SMARCC1: variants seen among roughly 807,000 people sequenced by gnomAD.
The protein encoded by SMARCC1 is SWI/SNF related BAF chromatin remodeling complex subunit C1.
A neutral mutation model predicts 147.4 loss-of-function variants in SMARCC1; 43 were observed. The ratio of observed to expected loss-of-function variants is 0.29; its 90% CI spans 0.23 to 0.38. SMARCC1 has a LOEUF of 0.38. Among genes scored for constraint, SMARCC1 ranks in the 10% least tolerant of loss-of-function variants. The probability of loss-of-function intolerance (pLI) is 1.00; values close to 1 mark genes in which losing one functional copy is unlikely to be tolerated. For missense variants in SMARCC1, 1,119 were observed against 1,381.1 expected (o/e 0.81, Z 3.01); for synonymous variants, 495 against 484.4 (o/e 1.02, Z -0.29).
chr3:47,667,317 CAAAA>C (rs71070207), intron 19 of SMARCC1, among the ~76,000 whole-genome samples: 84,836 of 131,716 alleles, frequency 0.64, 25,638 homozygotes, highest in East Asian at 0.75. Context: ...GACTCCGTCT[CAAAA>C]AAAAAAAAAA....
chr3:47,596,070 A>G (rs2032274849), intron 26 of SMARCC1, among the ~76,000 whole-genome samples: 1 of 151,850 alleles, frequency 6.6e-6, no homozygotes. Context: ...CAAAAACAAA[A>G]ACAAAACAAA....
chr3:47,670,921 C>T (rs1245228073), intron 18 of SMARCC1, among the ~76,000 whole-genome samples: 1 of 151,944 alleles, frequency 6.6e-6, no homozygotes, highest in Admixed American at 6.6e-5. Flanking sequence ...CGTGGTAGCT[C>T]CTGCCTGTAA....
chr3:47,755,763 C>A (rs1437459617), intron 2 of SMARCC1, among the ~76,000 whole-genome samples: 1 of 151,292 alleles, frequency 6.6e-6, no homozygotes, highest in Non-Finnish European at 1.5e-5. Context: ...GAGGCCGAGG[C>A]GGGCCGATCA....
At chr3:47,625,460 C>T (rs1465284848) in intron 24 of SMARCC1, among the ~76,000 whole-genome samples, 1 of 152,154 alleles carries the variant, frequency 6.6e-6, no homozygotes, top group Non-Finnish European at 1.5e-5. Context: ...GTCTCAAACT[C>T]CTGAGCTCAA....
intron 5 of SMARCC1, among the ~76,000 whole-genome samples, chr3:47,734,286 T>C (rs1220703650): frequency 6.6e-6 from 1 of 152,100 alleles, no homozygotes; most frequent in African/African-American, 2.4e-5. Flanking sequence ...GCCATGATAC[T>C]AGTGAAAAAA....
chr3:47,606,019 ATATT>A (rs2032468561), intron 26 of SMARCC1, among the ~76,000 whole-genome samples: 1 of 152,030 alleles, frequency 6.6e-6, no homozygotes, highest in Non-Finnish European at 1.5e-5. Context: ...ACTCAGCTGA[ATATT>A]TATGATTGTG....
At chr3:47,754,718 A>G (rs754806698) in intron 2 of SMARCC1, among the ~76,000 whole-genome samples, 17 of 152,306 alleles carry the variant, frequency 1.1e-4, no homozygotes, top group Admixed American at 4.6e-4. Flanking sequence ...GAAACAACTA[A>G]AAGTCAAAGT....
intron 7 of SMARCC1, among the ~76,000 whole-genome samples, chr3:47,719,103 C>T (rs1027456630): frequency 3.3e-5 from 5 of 151,738 alleles, no homozygotes; most frequent in Non-Finnish European, 5.9e-5. Flanking sequence ...TTAGTAGAGA[C>T]GGGGGTTTCA....
chr3:47,754,780 C>G (rs563674716), intron 2 of SMARCC1, among the ~76,000 whole-genome samples: 1 of 152,176 alleles, frequency 6.6e-6, no homozygotes, highest in Non-Finnish European at 1.5e-5. Flanking sequence ...CAGTGCCCCA[C>G]GCCTGTAATG....
At chr3:47,770,228 A>C (rs2034896692) in intron 2 of SMARCC1, among the ~76,000 whole-genome samples, 1 of 151,882 alleles carries the variant, frequency 6.6e-6, no homozygotes, top group Non-Finnish European at 1.5e-5. Flanking sequence ...ACTGTCTCAA[A>C]AAAAAAATAA....
intron 10 of SMARCC1, among the ~76,000 whole-genome samples, chr3:47,705,978 CG>C (rs1327313596): frequency 6.6e-6 from 1 of 152,074 alleles, no homozygotes; most frequent in Non-Finnish European, 1.5e-5. Context: ...CTGAACCAGG[CG>C]TTGTACTGCC....
chr3:47,763,042 G>A (rs2034792520), intron 2 of SMARCC1, among the ~76,000 whole-genome samples: 1 of 148,072 alleles, frequency 6.8e-6, no homozygotes, highest in African/African-American at 2.5e-5. Flanking sequence ...CTCTAGCCTG[G>A]GCGACAGAGC....
chr3:47,780,129 A>G (rs2035025743), intron 1 of SMARCC1, among the ~76,000 whole-genome samples: 1 of 151,788 alleles, frequency 6.6e-6, no homozygotes, highest in Admixed American at 6.6e-5. Flanking sequence ...AAAACAAGAA[A>G]GAAAGAAATG....
intron 1 of SMARCC1, among the ~76,000 whole-genome samples, chr3:47,774,382 A>G (rs2034949991): frequency 6.6e-6 from 1 of 152,000 alleles, no homozygotes; most frequent in Non-Finnish European, 1.5e-5. Context: ...CCTGGGTGAC[A>G]GAGCCAGACT....
chr3:47,602,578 G>A (rs569742348), intron 26 of SMARCC1, among the ~76,000 whole-genome samples: 88 of 152,290 alleles, frequency 5.8e-4, no homozygotes, highest in Non-Finnish European at 1.1e-3. Flanking sequence ...GATTACAGGC[G>A]TAAGCCATCA....
chr3:47,697,837 C>A (rs1160497255), intron 11 of SMARCC1, among the ~76,000 whole-genome samples: 2 of 150,778 alleles, frequency 1.3e-5, no homozygotes, highest in African/African-American at 4.9e-5. Context: ...GAAACCCCGT[C>A]TCTACTAAAA....
chr3:47,646,231 A>G (rs921199733), intron 21 of SMARCC1, among the ~76,000 whole-genome samples: 2 of 152,228 alleles, frequency 1.3e-5, no homozygotes, highest in African/African-American at 4.8e-5. Context: ...AACAATTTCT[A>G]TTCCACAAAA....
chr3:47,691,817 C>T (rs865956327), intron 12 of SMARCC1, among the ~76,000 whole-genome samples: 8 of 151,768 alleles, frequency 5.3e-5, no homozygotes, highest in African/African-American at 1.7e-4. Context: ...CTGGCCAACC[C>T]GGTAAAACCC....
At chr3:47,678,711 C>A (rs35286611) in intron 15 of SMARCC1, among the ~76,000 whole-genome samples, 139 of 152,286 alleles carry the variant, frequency 9.1e-4, no homozygotes, top group Non-Finnish European at 1.2e-3. Context: ...TCCTCATAAT[C>A]GCTCTATATT....
Sources: gnomAD v4.1 joint callset for allele counts (sites outside exome capture counted in the v4.1 genomes callset) on GRCh38, gnomAD v4.1.1 for gene constraint, MANE v1.5 for transcripts, NCBI Gene and HGNC (gene_info 2026-07-23, HGNC 2026-07-21) for gene names.